Variants in RAPGEF2 observed in about 807,000 individuals in gnomAD.
RAPGEF2 encodes PDZ domain containing guanine nucleotide exchange factor (GEF) 1.
Under a neutral mutation model 186.7 loss-of-function variants are expected in RAPGEF2, and 54 were observed. That is an observed-to-expected ratio of 0.29 (90% CI 0.23 to 0.36). RAPGEF2 has a LOEUF of 0.36. Ranked by LOEUF, RAPGEF2 falls within the 10% of genes least tolerant of loss-of-function variation. RAPGEF2 has a pLI of 1.00. For missense variants in RAPGEF2, 1,532 were observed against 2,045.0 expected (o/e 0.75, Z 4.84); for synonymous variants, 712 against 705.9 (o/e 1.01, Z -0.14).
At chr4:159,344,569 T>C (rs1034498282) in intron 23 of RAPGEF2, among the ~76,000 whole-genome samples, 4 of 152,242 alleles carry the variant, frequency 2.6e-5, no homozygotes, top group African/African-American at 9.6e-5. Context: ...TAACAATTCA[T>C]GTGCTCAATG....
intron 1 of RAPGEF2, among the ~76,000 whole-genome samples, chr4:159,162,583 A>G (rs1251672490): frequency 6.6e-6 from 1 of 152,186 alleles, no homozygotes; most frequent in Non-Finnish European, 1.5e-5. Flanking sequence ...ACATCTGCAC[A>G]GTGTCTGCCA....
chr4:159,325,122 A>G (rs191814461), intron 11 of RAPGEF2, among the ~76,000 whole-genome samples: 36 of 152,312 alleles, frequency 2.4e-4, no homozygotes, highest in Admixed American at 6.5e-4. Context: ...ACATAAAATT[A>G]TCTTATCTAT....
chr4:159,269,941 C>G (rs1356343074), intron 7 of RAPGEF2, among the ~76,000 whole-genome samples: 1 of 152,182 alleles, frequency 6.6e-6, no homozygotes, highest in East Asian at 1.9e-4. Context: ...CAGATATTAC[C>G]CAATAGTGCC....
In RAPGEF2 at chr4:159,353,194, T is replaced by C. The variant is rs1164006404; in HGVS notation, c.4091+284T>C. Among the ~76,000 whole-genome samples, 2 of 152,094 alleles carry C rather than the reference T, an allele frequency of 1.3e-5. No homozygotes were observed. The highest frequency in any genetic ancestry group is 1.9e-4 in the East Asian group (1 of 5,198). On this transcript the variant is annotated intron_variant, in intron 27 of 29. Coordinates refer to ENST00000691494, the MANE Select transcript of RAPGEF2 (RefSeq NM_001394067.2). The surrounding 1 kb of genome is among the most constrained non-coding windows in gnomAD (Gnocchi z 4.3). ...TCCCAGTTGTTTCGTATGAGCTGCC[T>C]TCCTGAAATAATCAAATTATATTGA...
chr4:159,273,028 A>T (rs1267857989), intron 7 of RAPGEF2, among the ~76,000 whole-genome samples: 1 of 152,058 alleles, frequency 6.6e-6, no homozygotes, highest in Non-Finnish European at 1.5e-5. Flanking sequence ...TGATTGATGG[A>T]TTTTCCTTAG....
intron 2 of RAPGEF2, among the ~76,000 whole-genome samples, chr4:159,191,695 C>T (rs1374441795): frequency 1.3e-5 from 2 of 152,116 alleles, no homozygotes; most frequent in South Asian, 2.1e-4. Context: ...GCTGAGATCG[C>T]GCCATGGCAC....
At chr4:159,258,716 A>G (rs763005182) in intron 7 of RAPGEF2, among the ~76,000 whole-genome samples, 1 of 152,226 alleles carries the variant, frequency 6.6e-6, no homozygotes, top group Non-Finnish European at 1.5e-5. Context: ...GCCATTGTGT[A>G]TATCCTTTGC....
Position 159,338,488 on chromosome 4 carries a change from C to A in RAPGEF2, c.2293+20C>A. On this transcript the variant is annotated intron_variant, in intron 18 of 29. Transcript: ENST00000691494. ...CTCCTGGTGAGTATCACCAACACTT[C>A]TTTTGTTTTCTTATAGTTATCTTTT... 6.3e-7 allele frequency: 1 copy of A among 1,585,214 alleles called. No homozygotes were observed. The highest frequency in any genetic ancestry group is 8.6e-7 in the Non-Finnish European group (1 of 1,158,780).
intron 5 of RAPGEF2, among the ~76,000 whole-genome samples, chr4:159,239,152 C>G (rs1753644294): frequency 6.6e-6 from 1 of 152,102 alleles, no homozygotes; most frequent in East Asian, 1.9e-4. Flanking sequence ...GTAATTCAAT[C>G]TATAATAATG....
intron 4 of RAPGEF2, among the ~76,000 whole-genome samples, chr4:159,237,646 G>A (rs1753424686): frequency 1.3e-5 from 2 of 152,008 alleles, no homozygotes; most frequent in South Asian, 2.1e-4. Flanking sequence ...ATTGTTCAAT[G>A]AAATAGTTTT....
chr4:159,357,265 G>C (rs1334183537), intron 29 of RAPGEF2, among the ~76,000 whole-genome samples: 2 of 152,332 alleles, frequency 1.3e-5, no homozygotes, highest in South Asian at 2.1e-4. Flanking sequence ...GGAGGCTGAA[G>C]TGGAAGGATC....
intron 4 of RAPGEF2, among the ~76,000 whole-genome samples, chr4:159,221,503 G>A (rs961133566): frequency 6.6e-6 from 1 of 152,172 alleles, no homozygotes; most frequent in Non-Finnish European, 1.5e-5. Context: ...AGGCCACCCA[G>A]GATCCTGGGA....
intron 1 of RAPGEF2, among the ~76,000 whole-genome samples, chr4:159,114,414 T>C (rs1738823470): frequency 6.6e-6 from 1 of 152,050 alleles, no homozygotes; most frequent in Non-Finnish European, 1.5e-5. Context: ...AATTTTTGCA[T>C]TTTTTTAGAT....
intron 1 of RAPGEF2, among the ~76,000 whole-genome samples, chr4:159,134,742 T>A (rs1421911763): frequency 6.6e-6 from 1 of 152,218 alleles, no homozygotes; most frequent in African/African-American, 2.4e-5. Flanking sequence ...TACCATACAA[T>A]TCACCCATTT....
In RAPGEF2 at chr4:159,103,435, AGGCGGC is replaced by A. The variant is rs552737128; in HGVS notation, c.-715_-710del. On this transcript the variant is annotated 5_prime_UTR_variant, in exon 1 of 30. Transcript: ENST00000691494. Reference sequence around the variant, plus strand: ...CCCACAGCGGCGGCCCGAGCAGCAGAGGCGGCGGCGGCGGCGGCTGGGCGGCCCGAG... The same window carrying A: ...CCCACAGCGGCGGCCCGAGCAGCAGAGGCGGCGGCGGCTGGGCGGCCCGAG... The A allele has an allele frequency of 4.4e-5, 7 of 159,352 alleles. No homozygotes were observed. The highest frequency in any genetic ancestry group is 3.0e-3 in the Middle Eastern group (1 of 332). 9.9% of individuals were successfully genotyped at this position (159,352 alleles called of 1,614,324 possible).
intron 1 of RAPGEF2, among the ~76,000 whole-genome samples, chr4:159,151,011 G>A (rs1424317047): frequency 6.6e-6 from 1 of 152,222 alleles, no homozygotes. Flanking sequence ...AGTGAGTAGA[G>A]CTAGGGCTTG....
At chr4:159,111,344 T>C (rs1738474052) in intron 1 of RAPGEF2, among the ~76,000 whole-genome samples, 1 of 152,232 alleles carries the variant, frequency 6.6e-6, no homozygotes, top group Non-Finnish European at 1.5e-5. Flanking sequence ...CGCTGGCTGT[T>C]GTTTCTCATT....
In RAPGEF2 at chr4:159,224,503, TAG is replaced by T. The variant is rs1179300700; in HGVS notation, c.281+13924_281+13925del. On this transcript the variant is annotated intron_variant, in intron 4 of 29. Transcript: ENST00000691494. The stretch of plus-strand genomic sequence containing the variant: ...AGACTTTCAAAGTAATTGCCCAAGG[TAG>T]AGATTTTCAAACCAGGCAGTTATTA... 5.3e-5 allele frequency among the ~76,000 whole-genome samples: 8 copies of T among 152,224 alleles called. No individual in the cohort carries two copies. In the East Asian group the frequency reaches 1.5e-3, roughly 29 times the overall value.
chr4:159,295,773 G>GCA (rs1252380352), intron 7 of RAPGEF2, among the ~76,000 whole-genome samples: 42 of 147,078 alleles, frequency 2.9e-4, no homozygotes, highest in South Asian at 2.5e-3. Flanking sequence ...GCGCGCGCGC[G>GCA]CATGCACATA....
Sources: allele counts gnomAD v4.1 joint callset (sites outside exome capture counted in the v4.1 genomes callset), GRCh38; gene constraint gnomAD v4.1.1; non-coding constraint Gnocchi (gnomAD v3.1); transcripts MANE v1.5; gene names NCBI Gene and HGNC (gene_info 2026-07-23, HGNC 2026-07-21).